Variants in IARS1 observed in about 807,000 individuals in gnomAD.
IARS1 encodes the protein isoleucyl-tRNA synthetase 1.
A neutral mutation model predicts 168.2 loss-of-function variants in IARS1; 124 were observed. The observed-to-expected ratio is 0.74, with a 90% confidence interval of 0.64 to 0.86. IARS1 has a LOEUF of 0.86. Ranked by LOEUF, IARS1 falls within the 40% of genes least tolerant of loss-of-function variation. The pLI, the probability that IARS1 is intolerant of heterozygous loss-of-function variation, is 0.00. For missense variants in IARS1, 1,452 were observed against 1,515.8 expected (o/e 0.96, Z 0.70); for synonymous variants, 532 against 529.4 (o/e 1.00, Z -0.07).
intron 24 of IARS1, 42 bp downstream of exon 24, chr9:92,250,145 A>G: frequency 7.9e-7 from 1 of 1,265,790 alleles, no homozygotes; most frequent in Non-Finnish European, 1.2e-6. Context: ...CACTTAATTA[A>G]TTTAGGTCTG....
intron 17 of IARS1, among the ~76,000 whole-genome samples, chr9:92,262,136 C>T (rs990222888): frequency 2.6e-5 from 4 of 151,878 alleles, no homozygotes. Flanking sequence ...TTGCATTTAC[C>T]ACTCATTTGC....
chr9:92,214,474 A>G (rs1268289206), intron 33 of IARS1, among the ~76,000 whole-genome samples: 1 of 152,190 alleles, frequency 6.6e-6, no homozygotes, highest in South Asian at 2.1e-4. Flanking sequence ...TGAGCGATGC[A>G]GAAGACAGTG....
intron 33 of IARS1, among the ~76,000 whole-genome samples, chr9:92,217,787 T>C (rs1023582799): frequency 6.6e-6 from 1 of 152,042 alleles, no homozygotes; most frequent in Non-Finnish European, 1.5e-5. Flanking sequence ...AATCAATAGC[T>C]TACCAACCAA....
chr9:92,272,999 C>T lies in IARS1; in HGVS notation c.991-1344G>A, dbSNP rs572307035. On this transcript the variant is annotated intron_variant, in intron 10 of 33. Coordinates refer to ENST00000443024, the MANE Select transcript of IARS1 (RefSeq NM_002161.6). ...ATATAACTCTAGAGTTAATGACAAA[C>T]ACCCACATTTAAAAAAGAAAACCTC... is the stretch of plus-strand genomic sequence containing the variant. 2.7e-5 allele frequency among the ~76,000 whole-genome samples: 4 copies of T among 148,954 alleles called. No individual in the cohort carries two copies. In the South Asian group the frequency reaches 8.5e-4, roughly 32 times the overall value.
intron 17 of IARS1, among the ~76,000 whole-genome samples, chr9:92,262,299 C>T (rs1354609686): frequency 6.6e-6 from 1 of 152,080 alleles, no homozygotes; most frequent in Non-Finnish European, 1.5e-5. Context: ...TAAGGATGCA[C>T]AAAATGTTAG....
intron 29 of IARS1, 103 bp from the exon 30 acceptor site, chr9:92,241,064 C>T (rs1186990169): frequency 6.0e-6 from 4 of 668,842 alleles, no homozygotes; most frequent in Non-Finnish European, 1.1e-5. Flanking sequence ...AAGAGCTGTA[C>T]ACAATTGATA....
chr9:92,210,705 G>T lies in IARS1; in HGVS notation c.*102C>A. On this transcript the variant is annotated 3_prime_UTR_variant, in exon 34 of 34. Transcript: ENST00000443024. The stretch of plus-strand genomic sequence containing the variant: ...CAGCATATTTTACACACACCTGAAG[G>T]AAATATCTTCAGTGTGTTCATGTGT... The T allele has an allele frequency of 1.4e-6, 1 of 738,022 alleles. No homozygotes were observed. The highest frequency in any genetic ancestry group is 2.5e-6 in the Non-Finnish European group (1 of 407,266). 45.7% of individuals were successfully genotyped at this position (738,022 alleles called of 1,614,324 possible).
rs199830006 is a variant in IARS1 at position 92,250,753 on chromosome 9, C to T, written c.2389G>A (p.Asp797Asn). ...LIDPVSVQDK[D>N]TLSIHYLMLP... ...ATGAGGTAGTGAATGCTGAGTGTGT[C>T]CTTGTCCTGAACAGAAACAGGGTCA... The change falls in exon 23 of 34, where the codon GAC (aspartate) becomes AAC (asparagine). Residue 797 changes from aspartate to asparagine, a missense_variant. Coordinates refer to ENST00000443024, the MANE Select transcript of IARS1 (RefSeq NM_002161.6). The T allele has an allele frequency of 4.0e-4, 639 of 1,613,350 alleles. 9 individuals carry two copies. The South Asian group carries it at 5.2e-3, about 13-fold the overall frequency.
Position 92,263,008 on chromosome 9 carries a change from G to T in IARS1, c.1748C>A (p.Pro583His). Residue 583 changes from proline (P) to histidine (H), a missense_variant, in exon 17 of 34, where the codon CCT becomes CAT. Pro to His is a moderately conservative substitution (Grantham distance 77). Transcript: ENST00000443024. ...CCCATTCACAATTACGTTCTTGAAA[G>T]GCGGTTGTCCAAAGAGGGCCGTGGC... ...VLATALFGQP[P>H]FKNVIVNGLV... 1 of 1,614,064 alleles carries T rather than the reference G, an allele frequency of 6.2e-7. No homozygotes were observed. Among genetic ancestry groups the T allele is most frequent in the Non-Finnish European group, 8.5e-7 (1 of 1,179,988 alleles).
chr9:92,240,923 T>A lies in IARS1; in HGVS notation c.3216A>T (p.Gly1072=). Residue 1072 remains glycine (G), a synonymous_variant, in exon 30 of 34, where the codon GGA becomes GGT. Transcript: ENST00000443024. ...CACAAGCAGGACCAGGAAGGGAAGA[T>A]CCTCTGGTGAGTGTAATTTCCAGTT... ...GSELEITLTR[G]SSLPGPACAY... 6.2e-7 allele frequency: 1 copy of A among 1,613,418 alleles called. No homozygotes were observed. The highest frequency in any genetic ancestry group is 8.5e-7 in the Non-Finnish European group (1 of 1,179,472).
intron 19 of IARS1, among the ~76,000 whole-genome samples, chr9:92,257,835 A>G (rs1830941200): frequency 6.6e-6 from 1 of 152,202 alleles, no homozygotes; most frequent in Non-Finnish European, 1.5e-5. Context: ...GCTGGAGATC[A>G]GATGTGCAGT....
chr9:92,290,344 G>T lies in IARS1; in HGVS notation c.-7-918C>A, dbSNP rs140659574. On this transcript the variant is annotated intron_variant, in intron 1 of 33. Transcript: ENST00000443024. ...TTCCACATGCTTATTGGCCATTTGC[G>T]TATCCACGTTGGATAGATATTTATC... Among the ~76,000 whole-genome samples, 144 of 152,232 alleles carry T rather than the reference G, an allele frequency of 9.5e-4. 1 individual carries two copies. Among genetic ancestry groups the T allele is most frequent in the African/African-American group, 3.3e-3 (137 of 41,560 alleles).
At chr9:92,260,065 C>A in intron 18 of IARS1, 86 bp downstream of exon 18, 2 of 916,582 alleles carry the variant, frequency 2.2e-6, no homozygotes, top group South Asian at 1.5e-5. Context: ...AACTATAAAC[C>A]AAATCTAAGA....
chr9:92,272,513 C>T (rs1040059317), intron 10 of IARS1, among the ~76,000 whole-genome samples: 4 of 152,232 alleles, frequency 2.6e-5, no homozygotes, highest in Non-Finnish European at 4.4e-5. Flanking sequence ...TCAAACACTA[C>T]CCTTGCCTGG....
At position 92,249,851 on chromosome 9, in the gene IARS1, A is replaced by G. The variant is rs778064736; in HGVS notation, c.2616+7T>C. 6.0e-6 allele frequency: 9 copies of G among 1,487,824 alleles called. No homozygotes were observed. Among genetic ancestry groups the G allele is most frequent in the African/African-American group, 1.4e-5 (1 of 72,250 alleles). 92.2% of individuals were successfully genotyped at this position (1,487,824 alleles called of 1,614,324 possible). On this transcript the variant is annotated splice_region_variant and intron_variant, in intron 25 of 33. Transcript: ENST00000443024. ...TGTACCAAAAACAGACAAATCATCT[A>G]CCTTACCTCAATGATATACTTCTCC...
intron 25 of IARS1, among the ~76,000 whole-genome samples, chr9:92,249,422 G>A (rs527906564): frequency 1.1e-4 from 16 of 152,162 alleles, no homozygotes; most frequent in Admixed American, 3.3e-4. Flanking sequence ...GCATGGTGGC[G>A]GGTGCCTGTA....
intron 32 of IARS1, 81 bp from the exon 33 acceptor site, chr9:92,222,753 C>G (rs1309119664): frequency 1.4e-6 from 2 of 1,478,316 alleles, no homozygotes; most frequent in Non-Finnish European, 1.9e-6. Flanking sequence ...GCGGACAGCT[C>G]TAACAGGCAG....
chr9:92,255,746 A>T (rs930618190), intron 20 of IARS1, among the ~76,000 whole-genome samples: 1 of 152,162 alleles, frequency 6.6e-6, no homozygotes, highest in Non-Finnish European at 1.5e-5. Context: ...CCTTACAAAC[A>T]CTACTGGGCA....
intron 10 of IARS1, among the ~76,000 whole-genome samples, chr9:92,272,457 G>C (rs1280130793): frequency 6.6e-6 from 1 of 152,228 alleles, no homozygotes; most frequent in Non-Finnish European, 1.5e-5. Context: ...TCCAGAACCA[G>C]TGATGTTCAA....
Sources: gnomAD v4.1 joint callset for allele counts (sites outside exome capture counted in the v4.1 genomes callset) on GRCh38, gnomAD v4.1.1 for gene constraint, MANE v1.5 for transcripts, NCBI Gene and HGNC (gene_info 2026-07-23, HGNC 2026-07-21) for gene names.